PCNX2: variants seen among roughly 807,000 people sequenced by gnomAD.
The protein encoded by PCNX2 is pecanex 2, also known as pecanex-like protein 2.
PCNX2 carries 168 observed loss-of-function variants against 223.8 expected under a neutral mutation model. The observed-to-expected ratio is 0.75, with a 90% CI of 0.66 to 0.85. PCNX2 has a LOEUF of 0.85. Ranked by LOEUF, PCNX2 falls within the 40% of genes least tolerant of loss-of-function variation. The pLI is 0.00. For missense variants in PCNX2, 2,507 were observed against 2,675.5 expected (o/e 0.94, Z 1.39); for synonymous variants, 1,006 against 1,052.6 (o/e 0.96, Z 0.86).
intron 21 of PCNX2, among the ~76,000 whole-genome samples, chr1:233,104,718 A>G (rs557283005): frequency 6.6e-6 from 1 of 152,238 alleles, no homozygotes; most frequent in African/African-American, 2.4e-5. Context: ...AAAGAATATA[A>G]TTTTCAAACA....
At chr1:233,246,954 T>C (rs1202319158) in intron 8 of PCNX2, among the ~76,000 whole-genome samples, 3 of 152,252 alleles carry the variant, frequency 2.0e-5, no homozygotes, top group Admixed American at 6.5e-5. Flanking sequence ...CATTACATCA[T>C]GGGCTTCTGC....
chr1:233,028,998 C>T (rs1363963800), intron 25 of PCNX2, among the ~76,000 whole-genome samples: 1 of 151,934 alleles, frequency 6.6e-6, no homozygotes, highest in Non-Finnish European at 1.5e-5. Flanking sequence ...GCCACCAGGT[C>T]CCGCTAATTT....
chr1:233,307,734 G>A, the PCNX2 span, among the ~76,000 whole-genome samples: 1 of 152,170 alleles, frequency 6.6e-6, no homozygotes, highest in East Asian at 1.9e-4. Context: ...TGAGGAAGGT[G>A]CTATAATCAT....
intron 26 of PCNX2, among the ~76,000 whole-genome samples, chr1:233,019,536 A>C (rs1199033893): frequency 6.6e-6 from 1 of 152,174 alleles, no homozygotes; most frequent in East Asian, 1.9e-4. Context: ...GAGACAATCT[A>C]TATGAGGAAC....
intron 10 of PCNX2, 72 bp downstream of exon 10, chr1:233,227,154 A>C (rs974550325): frequency 3.4e-6 from 5 of 1,453,978 alleles, no homozygotes; most frequent in African/African-American, 1.4e-5. Flanking sequence ...GTTCTCTTTG[A>C]AAGCATGCAG....
intron 13 of PCNX2, among the ~76,000 whole-genome samples, chr1:233,205,450 T>C (rs910907958): frequency 6.6e-6 from 1 of 152,168 alleles, no homozygotes; most frequent in African/African-American, 2.4e-5. Context: ...TCCCAGCACT[T>C]TGAGAGGCCA....
At chr1:233,075,739 A>ACACACAC (rs1553282226) in intron 23 of PCNX2, among the ~76,000 whole-genome samples, 4 of 149,320 alleles carry the variant, frequency 2.7e-5, no homozygotes, top group East Asian at 2.0e-4. Flanking sequence ...ACACACACAC[A>ACACACAC]ACAGAAAAGA....
chr1:233,150,290 G>A (rs1571973534), intron 19 of PCNX2, among the ~76,000 whole-genome samples: 1 of 152,276 alleles, frequency 6.6e-6, no homozygotes, highest in Admixed American at 6.5e-5. Context: ...AGGGTACTGG[G>A]TTTGCTTCTG....
chr1:233,281,627 A>G (rs1661197712), intron 1 of PCNX2, among the ~76,000 whole-genome samples: 1 of 152,230 alleles, frequency 6.6e-6, no homozygotes, highest in Non-Finnish European at 1.5e-5. Context: ...AAGGAAATAC[A>G]TAATTGCTAC....
intron 15 of PCNX2, among the ~76,000 whole-genome samples, chr1:233,188,751 G>A (rs1293711629): frequency 1.3e-5 from 2 of 152,146 alleles, no homozygotes; most frequent in Non-Finnish European, 2.9e-5. Flanking sequence ...TCAAACTCCT[G>A]ACCTCATGAT....
chr1:233,202,497 G>A (rs956184153), intron 13 of PCNX2, among the ~76,000 whole-genome samples: 2 of 152,152 alleles, frequency 1.3e-5, no homozygotes, highest in Non-Finnish European at 2.9e-5. Context: ...GAATTAAAAT[G>A]GCACAGAAAT....
At chr1:233,230,013 G>A (rs942661861) in intron 9 of PCNX2, among the ~76,000 whole-genome samples, 2 of 152,112 alleles carry the variant, frequency 1.3e-5, no homozygotes, top group East Asian at 3.9e-4. Context: ...TATCATTCAT[G>A]TTTTCACTCA....
chr1:233,016,103 C>T lies in PCNX2; in HGVS notation c.4839+818G>A, dbSNP rs78750474. 1.3e-3 allele frequency among the ~76,000 whole-genome samples: 195 copies of T among 152,290 alleles called. 1 individual carries two copies. The highest frequency in any genetic ancestry group is 4.6e-3 in the African/African-American group (192 of 41,548). The stretch of plus-strand genomic sequence containing the variant: ...GCATGAGTTAAGATTATTATCACAC[C>T]TTCTTTGTGGTTGGTCTGGAGAAAG... On this transcript the variant is annotated intron_variant, in intron 27 of 33. Coordinates refer to ENST00000258229, the MANE Select transcript of PCNX2 (RefSeq NM_014801.4).
At chr1:233,204,816 G>A (rs561975223) in intron 13 of PCNX2, among the ~76,000 whole-genome samples, 10 of 151,986 alleles carry the variant, frequency 6.6e-5, no homozygotes, top group African/African-American at 2.4e-4. Flanking sequence ...ATTATTTATC[G>A]CCATTTTTAC....
At chr1:233,169,090 A>G (rs1043264914) in intron 17 of PCNX2, among the ~76,000 whole-genome samples, 6 of 152,158 alleles carry the variant, frequency 3.9e-5, no homozygotes, top group Non-Finnish European at 7.4e-5. Context: ...TTAAAAATCA[A>G]ATTATAAGGG....
At chr1:233,280,582 G>T (rs1339572892) in intron 1 of PCNX2, among the ~76,000 whole-genome samples, 2 of 152,152 alleles carry the variant, frequency 1.3e-5, no homozygotes, top group Non-Finnish European at 2.9e-5. Flanking sequence ...ACAGGCATGA[G>T]CCACCGTGCC....
At chr1:233,042,003 T>A (rs549549970) in intron 25 of PCNX2, among the ~76,000 whole-genome samples, 1 of 152,254 alleles carries the variant, frequency 6.6e-6, no homozygotes, top group South Asian at 2.1e-4. Flanking sequence ...GGATATAGGG[T>A]TTATAAGAAA....
At chr1:233,173,622 T>C (rs1490118657) in intron 17 of PCNX2, among the ~76,000 whole-genome samples, 3 of 152,264 alleles carry the variant, frequency 2.0e-5, no homozygotes, top group African/African-American at 7.2e-5. Flanking sequence ...TTGAATTATA[T>C]GAAACCTACA....
At chr1:233,256,223 A>G (rs1233109286) in intron 5 of PCNX2, among the ~76,000 whole-genome samples, 1 of 152,162 alleles carries the variant, frequency 6.6e-6, no homozygotes, top group African/African-American at 2.4e-5. Flanking sequence ...AACCAAATAA[A>G]CTTTACATAC....
Sources: gnomAD v4.1 joint callset for allele counts (sites outside exome capture counted in the v4.1 genomes callset) on GRCh38, gnomAD v4.1.1 for gene constraint, MANE v1.5 for transcripts, NCBI Gene and HGNC (gene_info 2026-07-23, HGNC 2026-07-21) for gene names.